Variants in TEKT3 observed in about 807,000 individuals in gnomAD.
The protein encoded by TEKT3 is tektin-3.
In TEKT3, 49 loss-of-function variants were observed where a neutral mutation model predicts 49.8. The observed-to-expected ratio is 0.98, with a 90% CI of 0.78 to 1.25. TEKT3 has a LOEUF of 1.25. Among genes scored for constraint, TEKT3 ranks in the 50% most tolerant of loss-of-function variants. TEKT3 has a pLI of 0.00. For missense variants in TEKT3, 595 were observed against 629.5 expected, an observed-to-expected ratio of 0.95 and a Z score of 0.59; for synonymous variants, 225 against 237.2, an observed-to-expected ratio of 0.95 and a Z score of 0.47.
At chr17:15,333,756 A>G (rs537350600) in intron 2 of TEKT3, among the ~76,000 whole-genome samples, 1 of 91,962 alleles carries the variant, frequency 1.1e-5, no homozygotes, top group South Asian at 3.0e-4. Context: ...ATTTTATTTT[A>G]TTTTATTTTA....
rs564875194 is a variant in TEKT3 at position 15,306,113 on chromosome 17, G to A, written c.1257-1961C>T. 2.8e-4 allele frequency among the ~76,000 whole-genome samples: 43 copies of A among 151,568 alleles called. No individual in the cohort carries two copies. The South Asian group carries it at 7.7e-3, about 27-fold the overall frequency. On this transcript the variant is annotated intron_variant, in intron 8 of 8. Coordinates refer to ENST00000395930, the MANE Select transcript of TEKT3 (RefSeq NM_031898.3). ...TATGTGTGTGTGTGTGTGTGTGTGTGTGTGTGTGTGTGTGTGCATATATAT... is the reference window on the plus strand; with the variant it reads ...TATGTGTGTGTGTGTGTGTGTGTGTATGTGTGTGTGTGTGTGCATATATAT...
chr17:15,327,700 G>GA (rs377115458), intron 4 of TEKT3: 46 of 332,988 alleles, frequency 1.4e-4, no homozygotes, highest in Middle Eastern at 8.8e-4. Context: ...CGGAATGGTA[G>GA]AAAAAAAAGC....
intron 6 of TEKT3, among the ~76,000 whole-genome samples, chr17:15,312,843 C>T (rs1411639824): frequency 6.6e-6 from 1 of 152,134 alleles, no homozygotes; most frequent in Admixed American, 6.5e-5. Context: ...TTAATGAAAA[C>T]AGCCTACTAA....
chr17:15,312,308 A>T lies in TEKT3; in HGVS notation c.1052T>A (p.Ile351Asn). The change falls in exon 7 of 9, where the codon ATT (isoleucine) becomes AAT (asparagine). Residue 351 changes from isoleucine to asparagine, a missense_variant. By Grantham distance (149) the Ile-to-Asn change is moderately radical (BLOSUM62 -3). Transcript: ENST00000395930. ...NKVNLSFTNR[I>N]AETADAKNKI... ...ATTCTTAGCATCTGCAGTCTCAGCAATGCGATTGGTGAAAGACAAGTTCAC... is the reference window on the plus strand; with the variant it reads ...ATTCTTAGCATCTGCAGTCTCAGCATTGCGATTGGTGAAAGACAAGTTCAC... 6.2e-7 allele frequency: 1 copy of T among 1,614,244 alleles called. No individual in the cohort carries two copies. The highest frequency in any genetic ancestry group is 8.5e-7 in the Non-Finnish European group (1 of 1,180,038).
At chr17:15,332,588 C>T (rs1040321610) in intron 2 of TEKT3, among the ~76,000 whole-genome samples, 2 of 152,170 alleles carry the variant, frequency 1.3e-5, no homozygotes, top group African/African-American at 4.8e-5. Flanking sequence ...TATGCAAACG[C>T]AGCTCGAGGC....
intron 3 of TEKT3, among the ~76,000 whole-genome samples, chr17:15,328,872 C>A (rs1358438856): frequency 6.6e-6 from 1 of 152,060 alleles, no homozygotes; most frequent in Non-Finnish European, 1.5e-5. Flanking sequence ...ACATAGGACT[C>A]CCAAATAATA....
At chr17:15,320,992 T>TA (rs952978816) in intron 4 of TEKT3, among the ~76,000 whole-genome samples, 6 of 149,732 alleles carry the variant, frequency 4.0e-5, no homozygotes, top group African/African-American at 1.5e-4. Context: ...ACTCTTGCTG[T>TA]AAAAAATTCC....
intron 4 of TEKT3, among the ~76,000 whole-genome samples, chr17:15,322,017 A>G (rs529337347): frequency 7.8e-4 from 119 of 152,102 alleles, no homozygotes; most frequent in African/African-American, 2.7e-3. Context: ...TGGCTGGAAC[A>G]GTGGCTGAAA....
intron 3 of TEKT3, among the ~76,000 whole-genome samples, chr17:15,328,796 CAAT>C (rs1911591613): frequency 6.6e-6 from 1 of 152,082 alleles, no homozygotes; most frequent in African/African-American, 2.4e-5. Context: ...AAATTTCTAA[CAAT>C]AAATTATGTA....
intron 4 of TEKT3, among the ~76,000 whole-genome samples, chr17:15,324,981 C>T (rs774198985): frequency 1.3e-5 from 2 of 152,144 alleles, no homozygotes; most frequent in Non-Finnish European, 2.9e-5. Flanking sequence ...TTCATTCTTT[C>T]GCATGTGGAT....
chr17:15,316,059 G>A, intron 5 of TEKT3, among the ~76,000 whole-genome samples: 1 of 152,190 alleles, frequency 6.6e-6, no homozygotes, highest in Middle Eastern at 3.2e-3. Context: ...CAAATGATCT[G>A]CACTTTGTGA....
intron 4 of TEKT3, among the ~76,000 whole-genome samples, chr17:15,321,154 C>T (rs1049928958): frequency 2.6e-5 from 4 of 151,880 alleles, no homozygotes; most frequent in African/African-American, 7.3e-5. Context: ...GGACTACAGG[C>T]GCCCACCACC....
At chr17:15,324,007 T>C (rs1245779249) in intron 4 of TEKT3, among the ~76,000 whole-genome samples, 1 of 152,180 alleles carries the variant, frequency 6.6e-6, no homozygotes, top group African/African-American at 2.4e-5. Flanking sequence ...ATTCGCCGAG[T>C]TGTATAATCA....
Position 15,314,101 on chromosome 17 carries a change from C to T in TEKT3, c.864G>A (p.Glu288=). 6.2e-7 allele frequency: 1 copy of T among 1,614,228 alleles called. No homozygotes were observed. Among genetic ancestry groups the T allele is most frequent in the Non-Finnish European group, 8.5e-7 (1 of 1,180,044 alleles). Residue 288 remains glutamate, a synonymous_variant, in exon 6 of 9, where the codon GAG becomes GAA. Coordinates refer to ENST00000395930, the MANE Select transcript of TEKT3 (RefSeq NM_031898.3). ...GCCTGACTTACGTTGCATCGACCCT[C>T]TCCACTCCGCGGAAGTAGCCGACAC... The part of the protein sequence containing the change: ...SDGVGYFRGV[E]RVDATVSVPE...
At chr17:15,308,846 G>A (rs1269908665) in intron 7 of TEKT3, 28 bp from the exon 8 acceptor site, 1 of 1,607,816 alleles carries the variant, frequency 6.2e-7, no homozygotes, top group African/African-American at 1.3e-5. Context: ...AACTGCCTGA[G>A]GCTTTGGTGT....
intron 4 of TEKT3, among the ~76,000 whole-genome samples, chr17:15,322,205 C>T (rs759702928): frequency 3.3e-5 from 5 of 152,146 alleles, no homozygotes; most frequent in Non-Finnish European, 7.3e-5. Context: ...CGCACTTGTA[C>T]CCCATGAATA....
chr17:15,320,499 C>A (rs1911205286), intron 4 of TEKT3, among the ~76,000 whole-genome samples: 1 of 152,076 alleles, frequency 6.6e-6, no homozygotes, highest in Non-Finnish European at 1.5e-5. Flanking sequence ...CTTTTGGTTT[C>A]TGCCTTTGTT....
At chr17:15,325,065 A>G (rs1911433939) in intron 4 of TEKT3, among the ~76,000 whole-genome samples, 1 of 152,244 alleles carries the variant, frequency 6.6e-6, no homozygotes, top group South Asian at 2.1e-4. Flanking sequence ...GTCAAAGATC[A>G]ATAGATGGTA....
At chr17:15,306,000 T>A (rs1180268985) in intron 8 of TEKT3, among the ~76,000 whole-genome samples, 1 of 152,044 alleles carries the variant, frequency 6.6e-6, no homozygotes, top group African/African-American at 2.4e-5. Context: ...TCACTCTTTC[T>A]CTTTCTTTCT....
Sources: gnomAD v4.1 joint callset for allele counts (sites outside exome capture counted in the v4.1 genomes callset) on GRCh38, gnomAD v4.1.1 for gene constraint, MANE v1.5 for transcripts, NCBI Gene and HGNC (gene_info 2026-07-23, HGNC 2026-07-21) for gene names.